Variants in ANKS1B observed in about 807,000 individuals in gnomAD.
The protein encoded by ANKS1B is ankyrin repeat and sterile alpha motif domain containing 1B, also known as ankyrin repeat and sterile alpha motif domain-containing protein 1B.
A neutral mutation model predicts 148.3 loss-of-function variants in ANKS1B; 36 were observed. The ratio of observed to expected loss-of-function variants is 0.24; its 90% confidence interval spans 0.19 to 0.32. ANKS1B has a LOEUF of 0.32. Among genes scored for constraint, ANKS1B ranks in the 10% least tolerant of loss-of-function variants. The pLI, the probability that ANKS1B is intolerant of heterozygous loss-of-function variation, is 1.00. For synonymous variants in ANKS1B, 542 were observed against 560.8 expected (o/e 0.97, Z 0.47); for missense variants, 1,157 against 1,542.6 (o/e 0.75, Z 4.19).
At chr12:99,422,145 A>G (rs2095107433) in intron 11 of ANKS1B, among the ~76,000 whole-genome samples, 1 of 152,206 alleles carries the variant, frequency 6.6e-6, no homozygotes, top group Non-Finnish European at 1.5e-5. Flanking sequence ...AGAATGTCCT[A>G]ACACACCAAG....
At chr12:99,592,313 T>C (rs2153239878) in intron 9 of ANKS1B, among the ~76,000 whole-genome samples, 1 of 152,218 alleles carries the variant, frequency 6.6e-6, no homozygotes, top group South Asian at 2.1e-4. Flanking sequence ...GGACAGTTCC[T>C]TTCTAAAGTA....
intron 15 of ANKS1B, among the ~76,000 whole-genome samples, chr12:99,120,425 C>T (rs1019431748): frequency 6.6e-6 from 1 of 152,168 alleles, no homozygotes. Context: ...TTCATTTGCA[C>T]ACTTGAATCC....
intron 15 of ANKS1B, among the ~76,000 whole-genome samples, chr12:99,135,363 AAAT>A (rs558169989): frequency 2.4e-4 from 36 of 152,214 alleles, no homozygotes; most frequent in Non-Finnish European, 3.2e-4. Context: ...ATGATCAAAG[AAAT>A]AATAGAAGGG....
At chr12:99,268,753 A>C (rs2076714198) in intron 12 of ANKS1B, among the ~76,000 whole-genome samples, 1 of 152,220 alleles carries the variant, frequency 6.6e-6, no homozygotes, top group African/African-American at 2.4e-5. Flanking sequence ...AGCTGACACA[A>C]GTAGTAGAAA....
intron 12 of ANKS1B, among the ~76,000 whole-genome samples, chr12:99,269,907 G>T (rs967242593): frequency 7.2e-5 from 11 of 152,098 alleles, no homozygotes; most frequent in Admixed American, 1.3e-4. Flanking sequence ...TGATACCGGG[G>T]TACTTGATAA....
At chr12:99,417,205 C>A (rs1382554452) in intron 11 of ANKS1B, among the ~76,000 whole-genome samples, 1 of 152,144 alleles carries the variant, frequency 6.6e-6, no homozygotes, top group African/African-American at 2.4e-5. Flanking sequence ...TATTTTAAGT[C>A]AATTATCCAT....
chr12:99,505,552 A>G (rs1169876480), intron 9 of ANKS1B, among the ~76,000 whole-genome samples: 1 of 150,554 alleles, frequency 6.6e-6, no homozygotes, highest in African/African-American at 2.4e-5. Context: ...GATTTCCTGT[A>G]CATAAGGCAT....
chr12:99,961,829 T>A (rs2095416092), intron 1 of ANKS1B, among the ~76,000 whole-genome samples: 1 of 152,216 alleles, frequency 6.6e-6, no homozygotes, highest in Non-Finnish European at 1.5e-5. Flanking sequence ...GTTCCCTTGT[T>A]CTGCTGATGA....
intron 15 of ANKS1B, among the ~76,000 whole-genome samples, chr12:99,121,634 G>A (rs995381856): frequency 6.6e-6 from 1 of 152,114 alleles, no homozygotes; most frequent in African/African-American, 2.4e-5. Context: ...AGTAGGATGC[G>A]CTGCGATGTA....
At chr12:99,822,991 G>C (rs1483948629) in intron 2 of ANKS1B, among the ~76,000 whole-genome samples, 1 of 151,978 alleles carries the variant, frequency 6.6e-6, no homozygotes, top group African/African-American at 2.4e-5. Context: ...CATTCTGACT[G>C]GTGTGAAATG....
At chr12:99,950,660 G>C (rs1039820724) in intron 1 of ANKS1B, among the ~76,000 whole-genome samples, 5 of 151,898 alleles carry the variant, frequency 3.3e-5, no homozygotes, top group Non-Finnish European at 7.4e-5. Context: ...CAACACATTT[G>C]TTCTGTTCAT....
intron 11 of ANKS1B, among the ~76,000 whole-genome samples, chr12:99,442,120 T>C (rs1213158950): frequency 1.3e-5 from 2 of 151,806 alleles, no homozygotes; most frequent in African/African-American, 4.8e-5. Flanking sequence ...TCAACGAAAA[T>C]GACAGATAGC....
intron 1 of ANKS1B, among the ~76,000 whole-genome samples, chr12:99,881,982 T>C (rs1339096709): frequency 6.6e-6 from 1 of 152,206 alleles, no homozygotes; most frequent in Non-Finnish European, 1.5e-5. Context: ...GCCAAGATGA[T>C]ACATATGTTA....
rs2099004629 is a variant in ANKS1B at position 98,801,459 on chromosome 12, A to G, written c.3142-334T>C. ...CAGCAAAGGACACACAATCTTTAAA[A>G]GAATTTTGTTTTTAAACTTGACTGA... On this transcript the variant is annotated intron_variant, in intron 20 of 26. Coordinates refer to ENST00000683438, the MANE Select transcript of ANKS1B (RefSeq NM_001352186.2). The surrounding 1 kb of genome is among the most constrained non-coding windows in gnomAD (Gnocchi z 5.2). Among the ~76,000 whole-genome samples the G allele has an allele frequency of 6.6e-6, 1 of 152,204 alleles. No individual in the cohort carries two copies. Among genetic ancestry groups the G allele is most frequent in the Non-Finnish European group, 1.5e-5 (1 of 68,030 alleles).
In ANKS1B at chr12:99,615,252, C is replaced by A. The variant is rs372790371; in HGVS notation, c.1272+39815G>T. ...GCATAGAAAAAAATCAAGAAAAAAT[C>A]ATCAACATAATTTTGTTGGGATAAT... is the stretch of plus-strand genomic sequence containing the variant. On this transcript the variant is annotated intron_variant, in intron 9 of 26. Coordinates refer to ENST00000683438, the MANE Select transcript of ANKS1B (RefSeq NM_001352186.2). Among the ~76,000 whole-genome samples the A allele has an allele frequency of 1.8e-3, 273 of 152,178 alleles. 9 individuals carry two copies. In the South Asian group the frequency reaches 0.046, roughly 26 times the overall value.
At chr12:98,874,907 T>C (rs1299675887) in intron 17 of ANKS1B, among the ~76,000 whole-genome samples, 1 of 152,198 alleles carries the variant, frequency 6.6e-6, no homozygotes, top group Non-Finnish European at 1.5e-5. Context: ...ACACATAGCT[T>C]GCCCCAAAGT....
At chr12:99,450,117 G>T (rs78362061) in intron 10 of ANKS1B, among the ~76,000 whole-genome samples, 13,766 of 152,052 alleles carry the variant, frequency 0.091, 961 homozygotes, top group East Asian at 0.2. Context: ...TAATCCAAAG[G>T]TTGGCAGACT....
chr12:99,722,050 C>A (rs2058141042), intron 8 of ANKS1B, among the ~76,000 whole-genome samples: 1 of 152,102 alleles, frequency 6.6e-6, no homozygotes. Context: ...CTGAGAGAGG[C>A]AAAGAAACTG....
At chr12:99,262,525 A>G (rs1253366953) in intron 12 of ANKS1B, among the ~76,000 whole-genome samples, 1 of 152,070 alleles carries the variant, frequency 6.6e-6, no homozygotes, top group Non-Finnish European at 1.5e-5. Flanking sequence ...TGTTCATTCT[A>G]GTTATTAGTA....
Sources: allele counts gnomAD v4.1 joint callset (sites outside exome capture counted in the v4.1 genomes callset), GRCh38; gene constraint gnomAD v4.1.1; non-coding constraint Gnocchi (gnomAD v3.1); transcripts MANE v1.5; gene names NCBI Gene and HGNC (gene_info 2026-07-23, HGNC 2026-07-21).